AHDC1: variants seen among roughly 807,000 people sequenced by gnomAD.
The protein encoded by AHDC1 is AT-hook DNA binding motif containing 1.
A neutral mutation model predicts 87.9 loss-of-function variants in AHDC1; 7 were observed. The ratio of observed to expected loss-of-function variants is 0.08; its 90% CI spans 0.05 to 0.15. AHDC1 has a LOEUF of 0.15. Among genes scored for constraint, AHDC1 ranks in the 10% least tolerant of loss-of-function variants. AHDC1 has a pLI of 1.00. For synonymous variants in AHDC1, 1,051 were observed against 1,006.8 expected (o/e 1.04, Z -0.83); for missense variants, 1,841 against 2,253.2 (o/e 0.82, Z 3.70).
chr1:27,555,828 G>A (rs1052810957), intron 5 of AHDC1, among the ~76,000 whole-genome samples: 2 of 152,086 alleles, frequency 1.3e-5, no homozygotes, highest in Non-Finnish European at 2.9e-5. Context: ...CCTCTCCGGT[G>A]GTGGCTTCTG....
At chr1:27,574,600 A>T (rs1385199493) in intron 3 of AHDC1, among the ~76,000 whole-genome samples, 1 of 152,052 alleles carries the variant, frequency 6.6e-6, no homozygotes, top group African/African-American at 2.4e-5. Flanking sequence ...TACCATGGTG[A>T]GAGTATGCTA....
chr1:27,551,079 C>T lies in AHDC1; in HGVS notation c.1037G>A (p.Arg346His), dbSNP rs774177833. Residue 346 changes from arginine (R) to histidine (H), a missense_variant, in exon 8 of 9, where the codon CGC becomes CAC. Around this residue, in one of 13 missense-constraint regions of AHDC1, gnomAD observed 370 missense variants for 391.5 expected, o/e 0.95. Coordinates refer to ENST00000673934, the MANE Select transcript of AHDC1 (RefSeq NM_001371928.1). The part of the protein sequence containing the change: ...PLPKLLDVPG[R>H]RLEPQQPLGH... ...CAGGGGCTGCTGGGGCTCCAGACGG[C>T]GACCTGGGACGTCAAGCAGCTTGGG... 39 of 1,559,342 alleles carry T rather than the reference C, an allele frequency of 2.5e-5. No homozygotes were observed. The highest frequency in any genetic ancestry group is 1.7e-4 in the Middle Eastern group (1 of 5,886).
At chr1:27,588,713 C>T (rs1004093591) in intron 3 of AHDC1, among the ~76,000 whole-genome samples, 13 of 152,118 alleles carry the variant, frequency 8.5e-5, no homozygotes, top group African/African-American at 2.9e-4. Context: ...CATGTGTGTG[C>T]TGCATTTGTG....
intron 3 of AHDC1, among the ~76,000 whole-genome samples, chr1:27,559,738 T>C (rs1344481888): frequency 6.6e-6 from 1 of 152,210 alleles, no homozygotes; most frequent in Non-Finnish European, 1.5e-5. Flanking sequence ...GTTATGTCTC[T>C]TGTTTTCTTT....
chr1:27,594,632 G>A lies in AHDC1; in HGVS notation c.-629+8765C>T, dbSNP rs537146613. Among the ~76,000 whole-genome samples the A allele has an allele frequency of 3.9e-5, 6 of 152,314 alleles. 1 individual carries two copies. Among genetic ancestry groups the A allele is most frequent in the South Asian group, 4.1e-4 (2 of 4,828 alleles). ...AGGCCTGGGGCGGTGAAGGGGTGGAGATGCCTCCCCAGGCAGAGGAGGCTC... is the reference window on the plus strand; with the variant it reads ...AGGCCTGGGGCGGTGAAGGGGTGGAAATGCCTCCCCAGGCAGAGGAGGCTC... On this transcript the variant is annotated intron_variant, in intron 3 of 8. Transcript: ENST00000673934.
chr1:27,579,308 G>A (rs576623278), intron 3 of AHDC1, among the ~76,000 whole-genome samples: 11 of 152,058 alleles, frequency 7.2e-5, no homozygotes, highest in Admixed American at 5.9e-4. Flanking sequence ...CTCTGGATCC[G>A]TATCTGTGTG....
Position 27,547,847 on chromosome 1 carries a change from C to G in AHDC1, c.4269G>C (p.Glu1423Asp), listed in dbSNP as rs527518359. Residue 1423 changes from glutamate (E) to aspartate (D), a missense_variant, in exon 8 of 9, where the codon GAG becomes GAC. This residue lies in a region of AHDC1 where 505 missense variants were observed against 626.2 expected (regional missense o/e 0.81). Coordinates refer to ENST00000673934, the MANE Select transcript of AHDC1 (RefSeq NM_001371928.1). The surrounding 1 kb of genome is among the most constrained non-coding windows in gnomAD (Gnocchi z 4.9). The stretch of plus-strand genomic sequence containing the variant: ...CCCCCTGGAGTCCATGCTTGAGGGG[C>G]TCGCAGGCAGCCAGCTTTGTGGGCG... ...RPPPTKLAAC[E>D]PLKHGLQGAS... The G allele has an allele frequency of 6.5e-7, 1 of 1,548,634 alleles. No individual in the cohort carries two copies. Among genetic ancestry groups the G allele is most frequent in the Admixed American group, 1.9e-5 (1 of 53,860 alleles).
chr1:27,563,053 C>T lies in AHDC1; in HGVS notation c.-628-4170G>A, dbSNP rs942317925. Among the ~76,000 whole-genome samples, 5 of 152,110 alleles carry T rather than the reference C, an allele frequency of 3.3e-5. No individual in the cohort carries two copies. The highest frequency in any genetic ancestry group is 2.1e-4 in the South Asian group (1 of 4,824). ...ACCCCTCACAGTGGCATAACTGACA[C>T]GCAACCAGGCACCCCCACACCCACT... On this transcript the variant is annotated intron_variant, in intron 3 of 8. Coordinates refer to ENST00000673934, the MANE Select transcript of AHDC1 (RefSeq NM_001371928.1). The surrounding 1 kb of genome is among the most constrained non-coding windows in gnomAD (Gnocchi z 6.1).
chr1:27,556,246 GC>G (rs1289091108), intron 5 of AHDC1, among the ~76,000 whole-genome samples: 1 of 54,480 alleles, frequency 1.8e-5, no homozygotes, highest in African/African-American at 7.2e-5. Flanking sequence ...CCCACCCACT[GC>G]CTCCCCAGGG....
At chr1:27,569,112 C>A (rs1311780259) in intron 3 of AHDC1, among the ~76,000 whole-genome samples, 2 of 148,068 alleles carry the variant, frequency 1.4e-5, no homozygotes, top group African/African-American at 4.9e-5. Flanking sequence ...TACCCCCCAT[C>A]GCCCAGTGCA....
chr1:27,572,064 C>T (rs961677541), intron 3 of AHDC1, among the ~76,000 whole-genome samples: 12 of 152,040 alleles, frequency 7.9e-5, no homozygotes, highest in African/African-American at 2.4e-4. Context: ...CTTCAGCCCC[C>T]CAACTCAAGG....
At position 27,581,345 on chromosome 1, in the gene AHDC1, T is replaced by A. The variant is rs538019883; in HGVS notation, c.-629+22052A>T. 5.6e-4 allele frequency among the ~76,000 whole-genome samples: 84 copies of A among 151,310 alleles called. 1 individual carries two copies. The highest frequency in any genetic ancestry group is 2.9e-3 in the East Asian group (15 of 5,158). On this transcript the variant is annotated intron_variant, in intron 3 of 8. Transcript: ENST00000673934. ...TCAAAACTTTAAAAAAATATATTTT[T>A]AAAAAAAATTTTTCTGGAGAGAAAG...
chr1:27,541,001 TAAAAAAAAAAAAAA>T (rs55912405), intron 8 of AHDC1, among the ~76,000 whole-genome samples: 1 of 72,368 alleles, frequency 1.4e-5, no homozygotes, highest in Non-Finnish European at 2.4e-5. Flanking sequence ...CTAAAAATGC[TAAAAAAAAAAAAAA>T]AAAAAAAAAA....
In AHDC1 at chr1:27,562,019, G is replaced by A. The variant is rs1377342322; in HGVS notation, c.-628-3136C>T. On this transcript the variant is annotated intron_variant, in intron 3 of 8. Coordinates refer to ENST00000673934, the MANE Select transcript of AHDC1 (RefSeq NM_001371928.1). This position sits in a 1 kb window ranked among gnomAD's most constrained non-coding sequence, Gnocchi z 4.4. The stretch of plus-strand genomic sequence containing the variant: ...AGCCCCAGAGGGGAGAGAGGCACGG[G>A]GGAAGCGAGCCAGGCAGAGATGGGA... Among the ~76,000 whole-genome samples the A allele has an allele frequency of 6.6e-6, 1 of 152,104 alleles. No homozygotes were observed. The highest frequency in any genetic ancestry group is 2.4e-5 in the African/African-American group (1 of 41,390).
chr1:27,594,109 C>T (rs868065664), intron 3 of AHDC1, among the ~76,000 whole-genome samples: 5 of 152,302 alleles, frequency 3.3e-5, no homozygotes, highest in Admixed American at 6.5e-5. Flanking sequence ...CCCTCTGAGG[C>T]GGATTCTGTG....
chr1:27,583,867 A>T (rs944818908), intron 3 of AHDC1, among the ~76,000 whole-genome samples: 1 of 152,016 alleles, frequency 6.6e-6, no homozygotes, highest in Admixed American at 6.6e-5. Context: ...TTTCTATAGC[A>T]TCTTATCATT....
Position 27,598,284 on chromosome 1 carries a change from T to C in AHDC1, c.-629+5113A>G, listed in dbSNP as rs1420757501. On this transcript the variant is annotated intron_variant, in intron 3 of 8. Transcript: ENST00000673934. The surrounding 1 kb of genome is among the most constrained non-coding windows in gnomAD (Gnocchi z 4.2). ...GAGAGAAAACAGGGCCTCATTGCAG[T>C]TGGGTTTGTGTGTGTGGTGGAGGGG... Among the ~76,000 whole-genome samples the C allele has an allele frequency of 6.6e-6, 1 of 152,046 alleles. No individual in the cohort carries two copies. The highest frequency in any genetic ancestry group is 1.5e-5 in the Non-Finnish European group (1 of 67,994).
In AHDC1 at chr1:27,549,040, C is replaced by T. The variant is rs774950354; in HGVS notation, c.3076G>A (p.Gly1026Arg). 1.0e-5 allele frequency: 16 copies of T among 1,574,674 alleles called. No individual in the cohort carries two copies. The highest frequency in any genetic ancestry group is 3.6e-5 in the Admixed American group (2 of 55,144). ...TTGCTTGGTGGCAGGCAGGGGCCCC[C>T]GGTAGGCGGTGGGGCATAGCCGGCG... ...HSAGYAPPPT[G>R]GPCLPPSKAS... The change falls in exon 8 of 9, where the codon GGG (glycine) becomes AGG (arginine). Residue 1026 changes from glycine (G) to arginine (R), a missense_variant. Transcript: ENST00000673934.
Position 27,549,358 on chromosome 1 carries a change from T to C in AHDC1, c.2758A>G (p.Thr920Ala). The C allele has an allele frequency of 1.2e-6, 2 of 1,612,780 alleles. No homozygotes were observed. Among genetic ancestry groups the C allele is most frequent in the Non-Finnish European group, 1.7e-6 (2 of 1,179,588 alleles). The change falls in exon 8 of 9, where the codon ACC (threonine) becomes GCC (alanine). Residue 920 changes from threonine to alanine, a missense_variant. Transcript: ENST00000673934. ...SFQPVLSARQ[T>A]FPPGRAASYG... ...CTTGCTGCTCGTCCTGGTGGGAAGG[T>C]CTGGCGCGCGGACAGGACAGGCTGA...
Sources: allele counts gnomAD v4.1 joint callset (sites outside exome capture counted in the v4.1 genomes callset), GRCh38; gene constraint gnomAD v4.1.1; regional missense constraint gnomAD v4.1.1; non-coding constraint Gnocchi (gnomAD v3.1); transcripts MANE v1.5; gene names NCBI Gene and HGNC (gene_info 2026-07-23, HGNC 2026-07-21).